The following CLIP4 variants were observed in gnomAD, a reference collection of about 807,000 sequenced individuals.
CLIP4 encodes the protein CAP-Gly domain-containing linker protein 4.
In CLIP4, 47 loss-of-function variants were observed where a neutral mutation model predicts 73.1. That is an observed-to-expected ratio of 0.64 (90% CI 0.51 to 0.82). The LOEUF (loss-of-function observed/expected upper bound fraction) is 0.82. Ranked by LOEUF, CLIP4 falls within the 40% of genes least tolerant of loss-of-function variation. CLIP4 has a pLI of 0.00. For missense variants in CLIP4, 874 were observed against 852.9 expected, an observed-to-expected ratio of 1.02 and a Z score of -0.31; for synonymous variants, 306 against 295.4, an observed-to-expected ratio of 1.04 and a Z score of -0.37.
chr2:29,153,210 GCT>G (rs1356731373), intron 9 of CLIP4, among the ~76,000 whole-genome samples: 2 of 152,054 alleles, frequency 1.3e-5, no homozygotes, highest in Non-Finnish European at 2.9e-5. Flanking sequence ...AGCAGTTGCG[GCT>G]CTCTTTCTTT....
At chr2:29,101,637 C>G (rs577039835) in intron 1 of CLIP4, among the ~76,000 whole-genome samples, 2 of 152,154 alleles carry the variant, frequency 1.3e-5, no homozygotes, top group Non-Finnish European at 2.9e-5. Flanking sequence ...ACACCCTCAC[C>G]GACACACCCA....
At chr2:29,144,038 A>C in intron 7 of CLIP4, 93 bp downstream of exon 7, 1 of 974,462 alleles carries the variant, frequency 1.0e-6, no homozygotes, top group Non-Finnish European at 1.6e-6. Flanking sequence ...TGAGTTTTTG[A>C]AAAAGGTTCA....
At chr2:29,109,706 C>T (rs1668335157) in intron 1 of CLIP4, among the ~76,000 whole-genome samples, 1 of 152,108 alleles carries the variant, frequency 6.6e-6, no homozygotes, top group South Asian at 2.1e-4. Flanking sequence ...CATGTAGGAA[C>T]ATGCAAATTC....
chr2:29,175,232 G>A (rs1426670136), intron 15 of CLIP4: 1 of 152,244 alleles, frequency 6.6e-6, no homozygotes, highest in Admixed American at 6.5e-5. Context: ...AAGCTTCACA[G>A]AGATCTGAAA....
rs780523421 is a variant in CLIP4 at position 29,181,750 on chromosome 2, C to T, written c.1975C>T (p.Arg659Ter). Residue 659 changes from arginine (R) to a stop codon, truncating the protein, a stop_gained, in exon 16 of 16, where the codon CGA becomes TGA. Transcript: ENST00000320081. LOFTEE classifies it high-confidence loss of function. ...ASGIWLGLEL[R>*]SAKGKNDGSV... Reference sequence around the variant, plus strand: ...AGGTATCTGGCTTGGACTTGAGCTCCGAAGCGCCAAGGGAAAAAATGATGG... The same window carrying T: ...AGGTATCTGGCTTGGACTTGAGCTCTGAAGCGCCAAGGGAAAAAATGATGG... 5.0e-6 allele frequency: 8 copies of T among 1,614,030 alleles called. No individual in the cohort carries two copies. Among genetic ancestry groups the T allele is most frequent in the East Asian group, 4.5e-5 (2 of 44,884 alleles).
intron 15 of CLIP4, 54 bp from the exon 16 acceptor site, chr2:29,181,518 G>A (rs1186275474): frequency 7.2e-7 from 1 of 1,381,110 alleles, no homozygotes; most frequent in East Asian, 2.3e-5. Context: ...ATGATGCATT[G>A]CATTACGTGG....
chr2:29,169,597 A>G (rs964380108), intron 14 of CLIP4, among the ~76,000 whole-genome samples: 3 of 151,898 alleles, frequency 2.0e-5, no homozygotes, highest in African/African-American at 7.3e-5. Context: ...TCATATATTT[A>G]TTTGCCATCT....
Position 29,160,376 on chromosome 2 carries a change from C to A in CLIP4, c.1443C>A (p.Cys481Ter), listed in dbSNP as rs140728187. ...SATSTANNSR[C>*]EGELRLGERV... ...CATCTACAGCAAATAATAGCCGTTG[C>A]GAGGGGGAACTCCGCCTCGGAGAGA... Residue 481 changes from cysteine to a stop codon, truncating the protein, a stop_gained, in exon 12 of 16, where the codon TGC becomes TGA. Coordinates refer to ENST00000320081, the MANE Select transcript of CLIP4 (RefSeq NM_024692.6). LOFTEE classifies it high-confidence loss of function. 2 of 1,613,930 alleles carry A rather than the reference C, an allele frequency of 1.2e-6. No homozygotes were observed. Among genetic ancestry groups the A allele is most frequent in the Non-Finnish European group, 1.7e-6 (2 of 1,180,012 alleles).
At chr2:29,113,039 GT>G (rs1668422937), upstream of CLIP4, among the ~76,000 whole-genome samples, 1 of 152,160 alleles carries the variant, frequency 6.6e-6, no homozygotes, top group African/African-American at 2.4e-5. This position sits in a 1 kb window ranked among gnomAD's most constrained non-coding sequence, Gnocchi z 4.0. Context: ...GCCTGTGTAG[GT>G]TAGCAAAGTA....
At chr2:29,150,594 T>C in intron 8 of CLIP4, among the ~76,000 whole-genome samples, 1 of 151,824 alleles carries the variant, frequency 6.6e-6, no homozygotes. Context: ...ACACATACAA[T>C]TTTTCACATA....
chr2:29,103,530 G>A (rs190483679), intron 1 of CLIP4, among the ~76,000 whole-genome samples: 102 of 152,084 alleles, frequency 6.7e-4, no homozygotes, highest in East Asian at 6.0e-3. Flanking sequence ...TATAAGATTC[G>A]TGATAAAGTA....
intron 8 of CLIP4, among the ~76,000 whole-genome samples, chr2:29,146,280 A>G (rs1423641329): frequency 6.6e-6 from 1 of 152,138 alleles, no homozygotes; most frequent in Non-Finnish European, 1.5e-5. Flanking sequence ...TGCACCTAGT[A>G]GTGTTGTGGC....
chr2:29,120,919 A>G (rs1664207437), intron 1 of CLIP4, among the ~76,000 whole-genome samples: 1 of 152,170 alleles, frequency 6.6e-6, no homozygotes, highest in Non-Finnish European at 1.5e-5. Context: ...TCTGGGATAG[A>G]AAATAATGGA....
chr2:29,130,095 AAGG>A (rs1664868169), intron 2 of CLIP4: 2 of 470,324 alleles, frequency 4.3e-6, no homozygotes, highest in African/African-American at 4.0e-5. Context: ...TTCTACACAG[AAGG>A]AGGAGAGCTC....
At chr2:29,131,452 AT>A (rs1558527968) in intron 3 of CLIP4, 55 bp downstream of exon 3, 5 of 1,521,476 alleles carry the variant, frequency 3.3e-6, no homozygotes, top group East Asian at 2.3e-5. Context: ...AATGGTATAG[AT>A]TTTTTTCCCC....
intron 9 of CLIP4, among the ~76,000 whole-genome samples, chr2:29,154,496 G>A (rs1666790883): frequency 2.0e-5 from 3 of 152,126 alleles, no homozygotes; most frequent in Admixed American, 2.0e-4. Context: ...AATCCACATT[G>A]GTTTTTCTTC....
At chr2:29,166,556 C>CAA (rs1667633952) in intron 13 of CLIP4, among the ~76,000 whole-genome samples, 1 of 151,492 alleles carries the variant, frequency 6.6e-6, no homozygotes. Context: ...CACACACACA[C>CAA]ACACACTGCT....
chr2:29,097,849 C>G (rs1056669292), exon 1 of CLIP4: 4 of 152,200 alleles, frequency 2.6e-5, no homozygotes, highest in Admixed American at 6.5e-5. Flanking sequence ...GCACTCCCAA[C>G]CAACACGCTG....
chr2:29,119,098 C>G (rs750043340), intron 1 of CLIP4, among the ~76,000 whole-genome samples: 28 of 152,154 alleles, frequency 1.8e-4, no homozygotes, highest in Non-Finnish European at 3.5e-4. Context: ...GGAAATGTAA[C>G]TAGAGAAAAA....
Sources: gnomAD v4.1 joint callset for allele counts (sites outside exome capture counted in the v4.1 genomes callset) on GRCh38, gnomAD v4.1.1 for gene constraint, Gnocchi (gnomAD v3.1) non-coding constraint, MANE v1.5 for transcripts, NCBI Gene and HGNC (gene_info 2026-07-23, HGNC 2026-07-21) for gene names.